The following NDST4 variants were observed in gnomAD, a reference collection of about 807,000 sequenced individuals.
NDST4 encodes N-deacetylase and N-sulfotransferase 4.
Under a neutral mutation model 100.8 loss-of-function variants are expected in NDST4, and 63 were observed. That is an observed-to-expected ratio of 0.62 (90% CI 0.51 to 0.77). The LOEUF (loss-of-function observed/expected upper bound fraction) is 0.77, where lower values mean the gene tolerates loss of function less well. Among genes scored for constraint, NDST4 ranks in the 30% least tolerant of loss-of-function variants. The pLI is 0.00. For missense variants in NDST4, 943 were observed against 1,018.4 expected, an observed-to-expected ratio of 0.93 and a Z score of 1.01; for synonymous variants, 377 against 361.8, an observed-to-expected ratio of 1.04 and a Z score of -0.48.
At chr4:115,085,692 T>A (rs1055762015) in intron 1 of NDST4, among the ~76,000 whole-genome samples, 11 of 152,170 alleles carry the variant, frequency 7.2e-5, no homozygotes, top group African/African-American at 2.4e-4. Context: ...CTACCATGAT[T>A]TTAAGTTTCC....
chr4:115,010,854 G>C (rs1490170750), intron 2 of NDST4, among the ~76,000 whole-genome samples: 1 of 152,000 alleles, frequency 6.6e-6, no homozygotes, highest in African/African-American at 2.4e-5. Context: ...AAATGAAGAT[G>C]CTAGGCACTT....
intron 8 of NDST4, among the ~76,000 whole-genome samples, chr4:114,852,224 T>C (rs1262015226): frequency 6.6e-6 from 1 of 152,138 alleles, no homozygotes; most frequent in East Asian, 1.9e-4. Context: ...AGTAAGTCCA[T>C]ATCATGCTAA....
At chr4:115,061,958 T>C (rs1728833760) in intron 2 of NDST4, among the ~76,000 whole-genome samples, 1 of 151,748 alleles carries the variant, frequency 6.6e-6, no homozygotes, top group African/African-American at 2.4e-5. Flanking sequence ...TAGGAAGACA[T>C]GGAAAGAATA....
At chr4:115,088,210 G>T (rs1447649277) in intron 1 of NDST4, among the ~76,000 whole-genome samples, 2 of 151,804 alleles carry the variant, frequency 1.3e-5, no homozygotes, top group East Asian at 3.9e-4. Context: ...TCAAAATTAT[G>T]CAGGGAGCCA....
chr4:114,841,775 G>T (rs1364605851), intron 10 of NDST4, among the ~76,000 whole-genome samples: 1 of 152,142 alleles, frequency 6.6e-6, no homozygotes, highest in East Asian at 1.9e-4. Flanking sequence ...CTTGTACCTT[G>T]TGGGAAATAC....
chr4:115,077,541 T>C (rs1014412617), intron 1 of NDST4, among the ~76,000 whole-genome samples: 4 of 152,086 alleles, frequency 2.6e-5, no homozygotes, highest in Non-Finnish European at 5.9e-5. Context: ...TGTATTGAGA[T>C]CATTTTCTAA....
chr4:114,982,019 T>A (rs1340360686), intron 2 of NDST4, among the ~76,000 whole-genome samples: 1 of 152,140 alleles, frequency 6.6e-6, no homozygotes, highest in African/African-American at 2.4e-5. Context: ...TGTGTGGCAC[T>A]TCCCCCCAAA....
intron 7 of NDST4, among the ~76,000 whole-genome samples, chr4:114,860,736 T>C (rs1268382678): frequency 6.6e-6 from 1 of 152,246 alleles, no homozygotes; most frequent in Admixed American, 6.5e-5. Flanking sequence ...CAATGTATTT[T>C]TGAATGGCAT....
intron 9 of NDST4, among the ~76,000 whole-genome samples, chr4:114,846,814 T>G (rs975019955): frequency 2.0e-5 from 3 of 152,198 alleles, no homozygotes; most frequent in African/African-American, 4.8e-5. Flanking sequence ...ACATTTGTTA[T>G]TATGTTTCCC....
intron 6 of NDST4, among the ~76,000 whole-genome samples, chr4:114,886,311 G>A (rs1261406657): frequency 6.6e-6 from 1 of 152,080 alleles, no homozygotes; most frequent in Non-Finnish European, 1.5e-5. Context: ...GCTGAGATAT[G>A]TCGCTGTCCT....
At chr4:114,889,479 T>C (rs763186167) in intron 6 of NDST4, among the ~76,000 whole-genome samples, 1 of 152,190 alleles carries the variant, frequency 6.6e-6, no homozygotes, top group Non-Finnish European at 1.5e-5. Flanking sequence ...GTGCTGAACA[T>C]GAACACTTTG....
chr4:114,879,512 C>T (rs936670634), intron 6 of NDST4, among the ~76,000 whole-genome samples: 3 of 152,112 alleles, frequency 2.0e-5, no homozygotes, highest in Admixed American at 2.0e-4. Context: ...CCCTTCAGGC[C>T]ACTCACTACC....
At chr4:115,102,877 T>C (rs1371996654) in intron 1 of NDST4, among the ~76,000 whole-genome samples, 3 of 151,778 alleles carry the variant, frequency 2.0e-5, no homozygotes, top group African/African-American at 7.3e-5. Flanking sequence ...CCTGGCTAAT[T>C]TTTGTATTTT....
intron 1 of NDST4, among the ~76,000 whole-genome samples, chr4:115,086,413 T>C (rs552187485): frequency 6.6e-6 from 1 of 152,222 alleles, no homozygotes; most frequent in African/African-American, 2.4e-5. Context: ...TACCCATAAA[T>C]AACCAGTTGA....
chr4:114,871,341 T>C lies in NDST4; in HGVS notation c.1537-391A>G, dbSNP rs113319101. ...GTGTAGATATGTGTACAGGTTGAAA[T>C]AGAATCAGATTCAAGAAAACGTGTT... On this transcript the variant is annotated intron_variant, in intron 6 of 13. Coordinates refer to ENST00000264363, the MANE Select transcript of NDST4 (RefSeq NM_022569.3). Among the ~76,000 whole-genome samples the C allele has an allele frequency of 1.6e-3, 249 of 151,656 alleles. 3 individuals carry two copies. The highest frequency in any genetic ancestry group is 5.3e-3 in the African/African-American group (219 of 41,326).
At chr4:115,011,410 C>T (rs1161159629) in intron 2 of NDST4, among the ~76,000 whole-genome samples, 2 of 151,884 alleles carry the variant, frequency 1.3e-5, no homozygotes, top group African/African-American at 4.8e-5. Context: ...CTTCATGCAC[C>T]ATCAAACTTT....
In NDST4 at chr4:114,921,367, G is replaced by A. The variant is rs1459026297; in HGVS notation, c.1536+13839C>T. Among the ~76,000 whole-genome samples, 4 of 152,096 alleles carry A rather than the reference G, an allele frequency of 2.6e-5. 1 individual carries two copies. The highest frequency in any genetic ancestry group is 9.7e-5 in the African/African-American group (4 of 41,420). On this transcript the variant is annotated intron_variant, in intron 6 of 13. Transcript: ENST00000264363. ...AAGAATAGTTTCAGAAGCAAAACAT[G>A]TAATGAACTAAAAGCCTTTGTAATA...
At chr4:115,043,137 T>C (rs919395239) in intron 2 of NDST4, among the ~76,000 whole-genome samples, 1 of 152,018 alleles carries the variant, frequency 6.6e-6, no homozygotes, top group African/African-American at 2.4e-5. Context: ...TAAAATTTAT[T>C]TTAAAGGCTC....
chr4:115,091,382 A>G (rs1578514877), intron 1 of NDST4, among the ~76,000 whole-genome samples: 1 of 152,272 alleles, frequency 6.6e-6, no homozygotes, highest in East Asian at 1.9e-4. Context: ...TCCAAAATCA[A>G]CATAAAATGA....
Sources: allele counts gnomAD v4.1 joint callset (sites outside exome capture counted in the v4.1 genomes callset), GRCh38; gene constraint gnomAD v4.1.1; transcripts MANE v1.5; gene names NCBI Gene and HGNC (gene_info 2026-07-23, HGNC 2026-07-21).